Variants in PTPRK observed in about 807,000 individuals in gnomAD.
The protein encoded by PTPRK is receptor-type tyrosine-protein phosphatase kappa.
A neutral mutation model predicts 178.0 loss-of-function variants in PTPRK; 75 were observed. That is an observed-to-expected ratio of 0.42 (90% CI 0.35 to 0.51). The LOEUF is 0.51. PTPRK is among the 20% of genes least tolerant of loss of function. The probability of loss-of-function intolerance (pLI) is 0.02; values close to 1 mark genes in which losing one functional copy is unlikely to be tolerated. For missense variants in PTPRK, 1,441 were observed against 1,797.8 expected, an observed-to-expected ratio of 0.80 and a Z score of 3.59; for synonymous variants, 637 against 620.6, an observed-to-expected ratio of 1.03 and a Z score of -0.39.
intron 6 of PTPRK, among the ~76,000 whole-genome samples, chr6:128,216,421 G>A (rs944050280): frequency 1.3e-5 from 2 of 151,792 alleles, no homozygotes; most frequent in Admixed American, 1.3e-4. Context: ...TGTAGTCTCA[G>A]CTACTTGGGA....
intron 3 of PTPRK, among the ~76,000 whole-genome samples, chr6:128,309,579 G>A (rs1337253737): frequency 6.6e-6 from 1 of 152,116 alleles, no homozygotes; most frequent in African/African-American, 2.4e-5. Flanking sequence ...AGTTACTGCC[G>A]TCAAAGTCTG....
At chr6:128,320,561 G>T (rs898875349) in intron 3 of PTPRK, among the ~76,000 whole-genome samples, 4 of 152,162 alleles carry the variant, frequency 2.6e-5, no homozygotes, top group Non-Finnish European at 5.9e-5. Context: ...TTTTTAAGGA[G>T]TGTGCTAGAT....
intron 2 of PTPRK, among the ~76,000 whole-genome samples, chr6:128,397,095 C>T (rs1840410507): frequency 1.3e-5 from 2 of 152,172 alleles, no homozygotes; most frequent in African/African-American, 4.8e-5. Flanking sequence ...TCCACACTGC[C>T]TCCCCTCAGA....
At chr6:128,036,152 C>A (rs1053769108) in intron 13 of PTPRK, among the ~76,000 whole-genome samples, 1 of 152,080 alleles carries the variant, frequency 6.6e-6, no homozygotes, top group African/African-American at 2.4e-5. Flanking sequence ...CATAAGCATG[C>A]CTCAAAATAT....
chr6:128,482,445 T>C (rs1489512393), intron 1 of PTPRK, among the ~76,000 whole-genome samples: 1 of 151,264 alleles, frequency 6.6e-6, no homozygotes, highest in African/African-American at 2.4e-5. Context: ...GGAAAAGGGG[T>C]GGAGAAAGAA....
At chr6:128,045,992 A>G (rs1562488325) in intron 13 of PTPRK, among the ~76,000 whole-genome samples, 1 of 152,144 alleles carries the variant, frequency 6.6e-6, no homozygotes, top group Non-Finnish European at 1.5e-5. Flanking sequence ...TTAGCTGTTA[A>G]TTTTTTAGTA....
In PTPRK at chr6:128,102,619, C is replaced by T. The variant is rs372111198; in HGVS notation, c.1163-12627G>A. Among the ~76,000 whole-genome samples, 4 of 152,186 alleles carry T rather than the reference C, an allele frequency of 2.6e-5. No homozygotes were observed. In the South Asian group the frequency reaches 6.2e-4, roughly 24 times the overall value. On this transcript the variant is annotated intron_variant, in intron 7 of 29. Coordinates refer to ENST00000368226, the MANE Select transcript of PTPRK (RefSeq NM_002844.4). ...GTATTTATCTACTACTATATCCATT[C>T]ATCCCAGGTGGAAGAAAGTGTGCAT...
chr6:128,511,754 C>T (rs948293103), intron 1 of PTPRK, among the ~76,000 whole-genome samples: 1 of 152,180 alleles, frequency 6.6e-6, no homozygotes, highest in Non-Finnish European at 1.5e-5. Flanking sequence ...CATTTGTGTA[C>T]ATTCATTAAC....
At chr6:128,010,743 G>T (rs1018186127) in intron 13 of PTPRK, among the ~76,000 whole-genome samples, 16 of 151,278 alleles carry the variant, frequency 1.1e-4, no homozygotes, top group African/African-American at 3.9e-4. Context: ...CACTATAACT[G>T]TCTTAATTTA....
chr6:128,305,353 C>CT (rs912168386), intron 3 of PTPRK, among the ~76,000 whole-genome samples: 2 of 151,980 alleles, frequency 1.3e-5, no homozygotes, highest in Admixed American at 6.6e-5. Context: ...TTAAAGTTTC[C>CT]TTTTTTCCAC....
chr6:128,200,934 G>C (rs950558071), intron 6 of PTPRK, among the ~76,000 whole-genome samples: 1 of 141,508 alleles, frequency 7.1e-6, no homozygotes, highest in Admixed American at 7.0e-5. Context: ...GGAGGGGAAG[G>C]GAAGGGACAG....
At chr6:128,382,912 C>T (rs925899593) in intron 2 of PTPRK, among the ~76,000 whole-genome samples, 2 of 152,000 alleles carry the variant, frequency 1.3e-5, no homozygotes, top group African/African-American at 4.8e-5. Context: ...GCTCAGCCTG[C>T]GAAAATAAGA....
At chr6:127,978,021 G>C (rs1442521675) in intron 25 of PTPRK, among the ~76,000 whole-genome samples, 1 of 152,290 alleles carries the variant, frequency 6.6e-6, no homozygotes, top group Non-Finnish European at 1.5e-5. Context: ...CACAGGAACT[G>C]GTTCTTGGAC....
chr6:128,317,059 C>T lies in PTPRK; in HGVS notation c.495+4980G>A, dbSNP rs62427877. ...GTATTTTGCCAGTGTAAAAATAAGC[C>T]ACGATGACCGTGTTAGGTAAATCCT... On this transcript the variant is annotated intron_variant, in intron 3 of 29. Transcript: ENST00000368226. Among the ~76,000 whole-genome samples, 1,272 of 152,102 alleles carry T rather than the reference C, an allele frequency of 8.4e-3. 16 individuals carry two copies. The highest frequency in any genetic ancestry group is 0.014 in the Non-Finnish European group (919 of 67,984).
At position 128,009,284 on chromosome 6, in the gene PTPRK, A is replaced by C. The variant is rs762458950; in HGVS notation, c.2195-16T>G. The C allele has an allele frequency of 6.3e-7, 1 of 1,592,744 alleles. No homozygotes were observed. Among genetic ancestry groups the C allele is most frequent in the Non-Finnish European group, 8.5e-7 (1 of 1,170,810 alleles). On this transcript the variant is annotated splice_polypyrimidine_tract_variant and intron_variant, in intron 13 of 29. Transcript: ENST00000368226. ...GTTGCTGCTGCTAAATGGATAAAAAAAAAAATCAGTTACTGAAAGAAGCTA... is the reference window on the plus strand; with the variant it reads ...GTTGCTGCTGCTAAATGGATAAAAACAAAAATCAGTTACTGAAAGAAGCTA...
At chr6:128,124,289 C>A (rs1311133702) in intron 7 of PTPRK, among the ~76,000 whole-genome samples, 1 of 152,044 alleles carries the variant, frequency 6.6e-6, no homozygotes, top group Admixed American at 6.5e-5. Context: ...CTCAGGTGAC[C>A]CACCCACCAC....
intron 3 of PTPRK, among the ~76,000 whole-genome samples, chr6:128,295,687 A>G (rs957509851): frequency 2.0e-5 from 3 of 152,098 alleles, no homozygotes; most frequent in African/African-American, 7.2e-5. Flanking sequence ...GCTCTGGTAA[A>G]TCCGGTTCAA....
At chr6:128,061,546 G>C (rs1287798565) in intron 13 of PTPRK, among the ~76,000 whole-genome samples, 1 of 152,024 alleles carries the variant, frequency 6.6e-6, no homozygotes, top group Non-Finnish European at 1.5e-5. Flanking sequence ...TGGAAAGGGG[G>C]TGGGGGTTGG....
rs754315572 is a variant in PTPRK, at chr6:127,981,110, T to C, written c.3711+6A>G. 4.3e-6 allele frequency: 7 copies of C among 1,612,972 alleles called. No homozygotes were observed. The highest frequency in any genetic ancestry group is 1.7e-5 in the Admixed American group (1 of 60,000). On this transcript the variant is annotated splice_donor_region_variant and intron_variant, in intron 25 of 29. Coordinates refer to ENST00000368226, the MANE Select transcript of PTPRK (RefSeq NM_002844.4). Reference sequence around the variant, plus strand: ...CTCTACACTAACAAAGAGGGCAGTCTCTTACGTCCATAAGAGCAGCATTGA... The same window carrying C: ...CTCTACACTAACAAAGAGGGCAGTCCCTTACGTCCATAAGAGCAGCATTGA...
Sources: gnomAD v4.1 joint callset for allele counts (sites outside exome capture counted in the v4.1 genomes callset) on GRCh38, gnomAD v4.1.1 for gene constraint, MANE v1.5 for transcripts, NCBI Gene and HGNC (gene_info 2026-07-23, HGNC 2026-07-21) for gene names.